CACNA2D3: variants seen among roughly 807,000 people sequenced by gnomAD.
CACNA2D3 encodes calcium voltage-gated channel auxiliary subunit alpha2delta 3, also known as voltage-dependent calcium channel subunit alpha-2/delta-3.
CACNA2D3 carries 60 observed loss-of-function variants against 160.6 expected under a neutral mutation model. The ratio of observed to expected loss-of-function variants is 0.37; its 90% CI spans 0.30 to 0.46. The LOEUF (loss-of-function observed/expected upper bound fraction) is 0.46, where lower values mean the gene tolerates loss of function less well. Ranked by LOEUF, CACNA2D3 falls within the 20% of genes least tolerant of loss-of-function variation. The pLI is 1.00. For synonymous variants in CACNA2D3, 558 were observed against 492.9 expected (o/e 1.13, Z -1.75); for missense variants, 1,205 against 1,365.0 (o/e 0.88, Z 1.85).
rs1463251754 is a variant in CACNA2D3 at position 54,559,405 on chromosome 3, G to T, written c.545-3395G>T. Among the ~76,000 whole-genome samples the T allele has an allele frequency of 2.0e-5, 3 of 152,046 alleles. No individual in the cohort carries two copies. The East Asian group carries it at 5.8e-4, about 29-fold the overall frequency. On this transcript the variant is annotated intron_variant, in intron 5 of 37. Transcript: ENST00000474759. The stretch of plus-strand genomic sequence containing the variant: ...CCTCCCAGGTTCAAGCTATTTTCCT[G>T]TCTCAGCCTCCCAAGTAGCTGGGAC...
At position 54,400,784 on chromosome 3, in the gene CACNA2D3, A is replaced by T. The variant is rs61480096; in HGVS notation, c.381+14010A>T. On this transcript the variant is annotated intron_variant, in intron 4 of 37. Transcript: ENST00000474759. The stretch of plus-strand genomic sequence containing the variant: ...AAAGCCAGTCTGTAAAGTTTGGAAG[A>T]GGTGATTGTTTCACCAGATGTGCAG... 4.6e-5 allele frequency among the ~76,000 whole-genome samples: 7 copies of T among 152,328 alleles called. No individual in the cohort carries two copies. The East Asian group carries it at 1.4e-3, about 29-fold the overall frequency.
rs141238544 is a variant in CACNA2D3 at position 54,165,579 on chromosome 3, T to G, written c.204+41985T>G. On this transcript the variant is annotated intron_variant, in intron 2 of 37. Transcript: ENST00000474759. ...GTGGCTCATGCCTGTAATTCCCCTTTGGGAAGCCCAGTTCCATCTCTAAAA... is the reference window on the plus strand; with the variant it reads ...GTGGCTCATGCCTGTAATTCCCCTTGGGGAAGCCCAGTTCCATCTCTAAAA... Among the ~76,000 whole-genome samples, 766 of 146,354 alleles carry G rather than the reference T, an allele frequency of 5.2e-3. 11 individuals carry two copies. The highest frequency in any genetic ancestry group is 0.019 in the African/African-American group (745 of 39,584).
chr3:54,581,827 G>A lies in CACNA2D3; in HGVS notation c.913G>A (p.Glu305Lys). Residue 305 changes from glutamate (E) to lysine (K), a missense_variant, in exon 9 of 38, where the codon GAA becomes AAA. By Grantham distance (56) the Glu-to-Lys change is moderately conservative. This residue lies in a region of CACNA2D3 where 911 missense variants were observed against 1,002.2 expected (regional missense o/e 0.91). Coordinates refer to ENST00000474759, the MANE Select transcript of CACNA2D3 (RefSeq NM_018398.3). ...GTATAATGAGGAGCTTCACTATGTG[G>A]AACCTTGCCTGAATGGAACTTTGGT... ...IAYNEELHYV[E>K]PCLNGTLVQA... 6.2e-7 allele frequency: 1 copy of A among 1,613,676 alleles called. No individual in the cohort carries two copies. Among genetic ancestry groups the A allele is most frequent in the Non-Finnish European group, 8.5e-7 (1 of 1,179,820 alleles).
intron 10 of CACNA2D3, among the ~76,000 whole-genome samples, chr3:54,640,910 A>G (rs752002896): frequency 2.6e-5 from 4 of 151,902 alleles, no homozygotes; most frequent in African/African-American, 4.8e-5. Context: ...TTCTGTGCCA[A>G]CTCCTTTGGG....
At chr3:54,475,658 T>C (rs1700815622) in intron 4 of CACNA2D3, among the ~76,000 whole-genome samples, 1 of 152,208 alleles carries the variant, frequency 6.6e-6, no homozygotes, top group African/African-American at 2.4e-5. Context: ...GTCAAACTGC[T>C]TGCCAAGTTA....
intron 4 of CACNA2D3, among the ~76,000 whole-genome samples, chr3:54,444,012 C>T (rs1700183498): frequency 6.6e-6 from 1 of 152,130 alleles, no homozygotes; most frequent in Non-Finnish European, 1.5e-5. Flanking sequence ...CAGGGGATGG[C>T]CACTATATCC....
At chr3:54,908,653 G>A (rs1027145818) in intron 27 of CACNA2D3, among the ~76,000 whole-genome samples, 1 of 152,182 alleles carries the variant, frequency 6.6e-6, no homozygotes, top group Non-Finnish European at 1.5e-5. Flanking sequence ...GAAGGTCAAG[G>A]CTGCAGTGAG....
At chr3:54,586,697 C>G (rs996629472) in intron 9 of CACNA2D3, among the ~76,000 whole-genome samples, 1 of 152,166 alleles carries the variant, frequency 6.6e-6, no homozygotes, top group African/African-American at 2.4e-5. Flanking sequence ...TTATAGAGCA[C>G]TCTATCTAAA....
rs1219015638 is a variant in CACNA2D3, at chr3:54,460,318, AT to A, written c.382-43172del. 5.9e-5 allele frequency among the ~76,000 whole-genome samples: 9 copies of A among 152,256 alleles called. No individual in the cohort carries two copies. The East Asian group carries it at 1.7e-3, about 29-fold the overall frequency. On this transcript the variant is annotated intron_variant, in intron 4 of 37. Coordinates refer to ENST00000474759, the MANE Select transcript of CACNA2D3 (RefSeq NM_018398.3). ...TTTTTCCAATTCTGTGAAGAAAGTT[AT>A]TGGTAGCTTGAAGGGGATGGCATTG...
chr3:54,414,372 G>C (rs1484724728), intron 4 of CACNA2D3, among the ~76,000 whole-genome samples: 6 of 152,024 alleles, frequency 3.9e-5, no homozygotes, highest in African/African-American at 1.4e-4. Context: ...CTATATTAAT[G>C]TATTGATATT....
chr3:54,697,654 C>T (rs1700688919), intron 11 of CACNA2D3, among the ~76,000 whole-genome samples: 1 of 152,178 alleles, frequency 6.6e-6, no homozygotes, highest in South Asian at 2.1e-4. Flanking sequence ...GCCATGTGCA[C>T]ACTTAACTTA....
At chr3:54,307,579 T>G (rs1229109343) in intron 2 of CACNA2D3, among the ~76,000 whole-genome samples, 1 of 152,158 alleles carries the variant, frequency 6.6e-6, no homozygotes, top group East Asian at 1.9e-4. Flanking sequence ...TCTTCCCCAA[T>G]GAAAAGCTAG....
At chr3:54,759,897 G>T (rs950059778) in intron 12 of CACNA2D3, among the ~76,000 whole-genome samples, 5 of 152,154 alleles carry the variant, frequency 3.3e-5, no homozygotes, top group African/African-American at 1.2e-4. Context: ...AATTCATCCA[G>T]GACAAATTAC....
At chr3:55,067,740 C>G (rs1704696217) in intron 35 of CACNA2D3, among the ~76,000 whole-genome samples, 1 of 152,058 alleles carries the variant, frequency 6.6e-6, no homozygotes, top group Non-Finnish European at 1.5e-5. Context: ...TACATACATA[C>G]ATACATAAAG....
chr3:54,150,697 TAC>T (rs1348469428), intron 2 of CACNA2D3, among the ~76,000 whole-genome samples: 2 of 152,222 alleles, frequency 1.3e-5, no homozygotes, highest in Admixed American at 1.3e-4. Context: ...GCGTAAGTCA[TAC>T]ATGAAAACAA....
At chr3:54,160,465 ACTC>A (rs1371224465) in intron 2 of CACNA2D3, among the ~76,000 whole-genome samples, 2 of 152,104 alleles carry the variant, frequency 1.3e-5, no homozygotes, top group African/African-American at 4.8e-5. Flanking sequence ...GCGCCACTGT[ACTC>A]CAGCCTGGGC....
intron 11 of CACNA2D3, among the ~76,000 whole-genome samples, chr3:54,717,488 A>G (rs1041418216): frequency 6.6e-6 from 1 of 151,974 alleles, no homozygotes; most frequent in African/African-American, 2.4e-5. Flanking sequence ...AATTTTCACC[A>G]TTCTGGTGTG....
intron 27 of CACNA2D3, among the ~76,000 whole-genome samples, chr3:54,931,599 C>G (rs1186544657): frequency 6.6e-6 from 1 of 152,182 alleles, no homozygotes; most frequent in Admixed American, 6.5e-5. Context: ...GGTCTCCTGG[C>G]CCCAAGACCT....
chr3:54,325,561 A>G (rs1229618311), intron 3 of CACNA2D3, among the ~76,000 whole-genome samples: 3 of 152,178 alleles, frequency 2.0e-5, no homozygotes, highest in Non-Finnish European at 4.4e-5. Flanking sequence ...ACACTGATTC[A>G]GAGGACCCTA....
Sources: gnomAD v4.1 joint callset for allele counts (sites outside exome capture counted in the v4.1 genomes callset) on GRCh38, gnomAD v4.1.1 for gene constraint, gnomAD v4.1.1 regional missense constraint, MANE v1.5 for transcripts, NCBI Gene and HGNC (gene_info 2026-07-23, HGNC 2026-07-21) for gene names.